Variants in ADAMTSL5 observed in about 807,000 individuals in gnomAD.
ADAMTSL5 encodes ADAMTS like 5.
In ADAMTSL5, 53 loss-of-function variants were observed where a neutral mutation model predicts 51.7. That is an observed-to-expected ratio of 1.03 (90% CI 0.82 to 1.29). ADAMTSL5 has a LOEUF of 1.29. Ranked by LOEUF, ADAMTSL5 falls within the 50% of genes most tolerant of loss-of-function variation. ADAMTSL5 has a pLI of 0.00. For missense variants in ADAMTSL5, 770 were observed against 676.2 expected (o/e 1.14, Z -1.54); for synonymous variants, 285 against 278.7 (o/e 1.02, Z -0.23).
rs1199632317 is a variant in ADAMTSL5, at chr19:1,510,085, C to T, written c.361+65G>A. 2.3e-6 allele frequency: 3 copies of T among 1,329,010 alleles called. No individual in the cohort carries two copies. The Admixed American group carries it at 7.0e-5, about 31-fold the overall frequency. 82.3% of individuals were successfully genotyped at this position (1,329,010 alleles called of 1,614,324 possible). On this transcript the variant is annotated intron_variant, in intron 5 of 11. Transcript: ENST00000330475. The stretch of plus-strand genomic sequence containing the variant: ...TCTCTTTGCAACCCTCCAAGACCCT[C>T]TCCCTGAGACTAATGAGTTGTTCGC...
In ADAMTSL5 at chr19:1,508,168, AAGGGCAGTGCCTGG is replaced by A. The variant is rs1442312376; in HGVS notation, c.490-73_490-60del. On this transcript the variant is annotated intron_variant, in intron 6 of 11. Transcript: ENST00000330475. Reference sequence around the variant, plus strand: ...CGCTGGGAGGGGCAGGACCTGGGGAAAGGGCAGTGCCTGGGAGCAAGAGGACGAGGCCTGGAGGG... The same window carrying A: ...CGCTGGGAGGGGCAGGACCTGGGGAAGAGCAAGAGGACGAGGCCTGGAGGG... 7 of 1,457,050 alleles carry A rather than the reference AAGGGCAGTGCCTGG, an allele frequency of 4.8e-6. No individual in the cohort carries two copies. The African/African-American group carries it at 4.2e-4, about 87-fold the overall frequency. 90.3% of individuals were successfully genotyped at this position (1,457,050 alleles called of 1,614,324 possible).
intron 5 of ADAMTSL5, 135 bp downstream of exon 5, chr19:1,510,015 A>T: frequency 1.4e-6 from 1 of 703,554 alleles, no homozygotes; most frequent in Non-Finnish European, 2.3e-6. Flanking sequence ...TTTCTGTTTC[A>T]CTAACTCCTA....
At position 1,505,823 on chromosome 19, in the gene ADAMTSL5, G is replaced by T; in HGVS notation, c.*192C>A. The T allele has an allele frequency of 1.5e-6, 1 of 662,296 alleles. No homozygotes were observed. Among genetic ancestry groups the T allele is most frequent in the Non-Finnish European group, 2.3e-6 (1 of 427,874 alleles). 41.0% of individuals were successfully genotyped at this position (662,296 alleles called of 1,614,324 possible). ...CCTTAGTGCCTCCTCACCAGTGCCT[G>T]CCGGCTTGTGACAGTGGCTTTGACT... On this transcript the variant is annotated 3_prime_UTR_variant, in exon 12 of 12. Coordinates refer to ENST00000330475, the MANE Select transcript of ADAMTSL5 (RefSeq NM_213604.3).
chr19:1,510,346 C>G (rs937294926), intron 4 of ADAMTSL5, 22 bp downstream of exon 4: 2 of 1,613,726 alleles, frequency 1.2e-6, no homozygotes, highest in Non-Finnish European at 1.7e-6. Flanking sequence ...GGAGAGTGGT[C>G]TGGGAGGTGG....
rs755333918 is a variant in ADAMTSL5, at chr19:1,507,194, T to C, written c.852+48A>G. On this transcript the variant is annotated intron_variant, in intron 9 of 11. Coordinates refer to ENST00000330475, the MANE Select transcript of ADAMTSL5 (RefSeq NM_213604.3). ...TACCCTCTGTCCCCAGCCTCTCCCC[T>C]CTGTCCCCAGCCGACCCCCTCTGAC... 2.7e-6 allele frequency: 4 copies of C among 1,462,262 alleles called. No homozygotes were observed. In the East Asian group the frequency reaches 9.9e-5, roughly 36 times the overall value. 90.6% of individuals were successfully genotyped at this position (1,462,262 alleles called of 1,614,324 possible). A position where few individuals can be genotyped will look rare whatever the true frequency, so the allele number is the denominator to read the frequency against.
rs368376679 is a variant in ADAMTSL5, at chr19:1,508,159, ACCTGGGGAAAGGGCAGTG to A, written c.490-68_490-51del. 9.2e-3 allele frequency: 13,929 copies of A among 1,509,242 alleles called. 1,053 individuals carry two copies. The African/African-American group carries it at 0.3, about 32-fold the overall frequency. 93.5% of individuals were successfully genotyped at this position (1,509,242 alleles called of 1,614,324 possible). ...CGTCACTGACGCTGGGAGGGGCAGG[ACCTGGGGAAAGGGCAGTG>A]CCTGGGAGCAAGAGGACGAGGCCTG... is the stretch of plus-strand genomic sequence containing the variant. On this transcript the variant is annotated intron_variant, in intron 6 of 11. Transcript: ENST00000330475.
intron 6 of ADAMTSL5, 134 bp from the exon 7 acceptor site, chr19:1,508,243 G>T: frequency 8.2e-7 from 1 of 1,224,850 alleles, no homozygotes; most frequent in Non-Finnish European, 1.1e-6. Context: ...AGCAGGACCT[G>T]GCGGGAGGAG....
At position 1,506,951 on chromosome 19, in the gene ADAMTSL5, G is replaced by A. The variant is rs1377941876; in HGVS notation, c.853-23C>T. 3.9e-6 allele frequency: 6 copies of A among 1,536,442 alleles called. No homozygotes were observed. In the South Asian group the frequency reaches 7.3e-5, roughly 19 times the overall value. On this transcript the variant is annotated intron_variant, in intron 9 of 11. Coordinates refer to ENST00000330475, the MANE Select transcript of ADAMTSL5 (RefSeq NM_213604.3). This position sits in a 1 kb window ranked among gnomAD's most constrained non-coding sequence, Gnocchi z 5.6. The stretch of plus-strand genomic sequence containing the variant: ...GACCTGGAGCAGGGGAGGGGACACA[G>A]GGAGCTTCACAGGAGGCTGGGGTTG...
At chr19:1,508,293 TG>T in intron 6 of ADAMTSL5, 149 bp downstream of exon 6, 1 of 531,972 alleles carries the variant, frequency 1.9e-6, no homozygotes, top group East Asian at 3.1e-4. Flanking sequence ...TAAGGGGGGC[TG>T]GGGGCAGGGC....
At chr19:1,509,099 T>C (rs1913116637) in intron 5 of ADAMTSL5, 1 of 150,816 alleles carries the variant, frequency 6.6e-6, no homozygotes, top group Non-Finnish European at 1.5e-5. Flanking sequence ...AATACAACAA[T>C]AAAAATTTAG....
chr19:1,510,460 C>G (rs1913201366), intron 3 of ADAMTSL5, 32 bp from the exon 4 acceptor site: 2 of 1,582,098 alleles, frequency 1.3e-6, no homozygotes, highest in African/African-American at 2.7e-5. Flanking sequence ...CGAGAACCCC[C>G]AGGGACCCCC....
At position 1,506,913 on chromosome 19, in the gene ADAMTSL5, G is replaced by C. The variant is rs757244835; in HGVS notation, c.868C>G (p.Pro290Ala). The change falls in exon 10 of 12, where the codon CCC (proline) becomes GCC (alanine). Residue 290 changes from proline (P) to alanine (A), a missense_variant. Transcript: ENST00000330475. This position sits in a 1 kb window ranked among gnomAD's most constrained non-coding sequence, Gnocchi z 5.6. ...DLLLQVLLQEPNPGIEFEFWL... is the reference protein window; with the variant it reads ...DLLLQVLLQEANPGIEFEFWL... ...AACTCAAACTCGATGCCAGGGTTGG[G>C]CTCCTGCAGGAGGACCTGGAGCAGG... The C allele has an allele frequency of 1.5e-5, 23 of 1,548,184 alleles. No homozygotes were observed. In the Admixed American group the frequency reaches 3.4e-4, roughly 23 times the overall value.
intron 1 of ADAMTSL5, among the ~76,000 whole-genome samples, 167 bp from the exon 2 acceptor site, chr19:1,511,327 C>T (rs1173201518): frequency 6.6e-6 from 1 of 152,054 alleles, no homozygotes; most frequent in Non-Finnish European, 1.5e-5. Context: ...TGCCTGCCAC[C>T]ACGCCGGACT....
chr19:1,510,804 C>A, intron 2 of ADAMTSL5, 41 bp downstream of exon 2: 1 of 1,514,104 alleles, frequency 6.6e-7, no homozygotes. Context: ...ACTGGGTCCC[C>A]ATTCCCACTC....
At position 1,510,625 on chromosome 19, in the gene ADAMTSL5, C is replaced by G. The variant is rs923367730; in HGVS notation, c.191+14G>C. On this transcript the variant is annotated intron_variant, in intron 3 of 11. Coordinates refer to ENST00000330475, the MANE Select transcript of ADAMTSL5 (RefSeq NM_213604.3). ...GGGGAGGAGGGGCAGGGACCCCCTCCGGGCCCCGCTCACCGGAGGCAGCGC... is the reference window on the plus strand; with the variant it reads ...GGGGAGGAGGGGCAGGGACCCCCTCGGGGCCCCGCTCACCGGAGGCAGCGC... 1 of 1,527,388 alleles carries G rather than the reference C, an allele frequency of 6.5e-7. No homozygotes were observed. The highest frequency in any genetic ancestry group is 2.5e-5 in the East Asian group (1 of 39,806). The allele number at this position is 1,527,388 out of a possible 1,614,324, so 94.6% of individuals were successfully genotyped here. A position where few individuals can be genotyped will look rare whatever the true frequency, so the allele number is the denominator to read the frequency against.
chr19:1,507,006 C>T, intron 9 of ADAMTSL5, 78 bp from the exon 10 acceptor site: 1 of 1,439,494 alleles, frequency 6.9e-7, no homozygotes, highest in East Asian at 2.5e-5. Flanking sequence ...CGACCCCAGC[C>T]TCCCCACTTT....
At chr19:1,509,298 C>T (rs904518808) in intron 5 of ADAMTSL5, among the ~76,000 whole-genome samples, 15 of 149,230 alleles carry the variant, frequency 1.0e-4, no homozygotes, top group African/African-American at 3.5e-4. Flanking sequence ...GAGCATCTGG[C>T]CCAGGCACCA....
intron 9 of ADAMTSL5, 145 bp downstream of exon 9, chr19:1,507,097 C>T (rs1448253780): frequency 1.1e-5 from 14 of 1,232,672 alleles, no homozygotes; most frequent in African/African-American, 4.6e-5. Context: ...ACCCTCCCCC[C>T]TCTGATGCTC....
chr19:1,507,985 G>A lies in ADAMTSL5; in HGVS notation c.601+13C>T, dbSNP rs1335285782. On this transcript the variant is annotated intron_variant, in intron 7 of 11. Transcript: ENST00000330475. ...TCTGACGTGTGTGCAGGGAGGGCGG[G>A]GCAGGTAGTCACCGGCGTCACGAAA... 2 of 1,578,900 alleles carry A rather than the reference G, an allele frequency of 1.3e-6. No homozygotes were observed. The highest frequency in any genetic ancestry group is 2.7e-5 in the African/African-American group (2 of 74,234).
Sources: allele counts gnomAD v4.1 joint callset (sites outside exome capture counted in the v4.1 genomes callset), GRCh38; gene constraint gnomAD v4.1.1; non-coding constraint Gnocchi (gnomAD v3.1); transcripts MANE v1.5; gene names NCBI Gene and HGNC (gene_info 2026-07-23, HGNC 2026-07-21).